The following ENTPD1 variants were observed in gnomAD, a reference collection of about 807,000 sequenced individuals.
The protein encoded by ENTPD1 is ATP diphosphohydrolase.
In ENTPD1, 33 loss-of-function variants were observed where a neutral mutation model predicts 57.0. The ratio of observed to expected loss-of-function variants is 0.58; its 90% CI spans 0.44 to 0.77. The LOEUF (loss-of-function observed/expected upper bound fraction) is 0.77. ENTPD1 is among the 30% of genes least tolerant of loss of function. The pLI, the probability that ENTPD1 is intolerant of heterozygous loss-of-function variation, is 0.00. For synonymous variants in ENTPD1, 202 were observed against 218.8 expected, an observed-to-expected ratio of 0.92 and a Z score of 0.68; for missense variants, 501 against 603.4, an observed-to-expected ratio of 0.83 and a Z score of 1.78.
chr10:95,869,274 G>C lies in ENTPD1; in HGVS notation c.*2891G>C. The C allele has an allele frequency of 1.1e-6, 1 of 932,124 alleles. No homozygotes were observed. Among genetic ancestry groups the C allele is most frequent in the Non-Finnish European group, 1.2e-6 (1 of 803,490 alleles). 57.7% of individuals were successfully genotyped at this position (932,124 alleles called of 1,614,324 possible). A position where few individuals can be genotyped will look rare whatever the true frequency, so the allele number is the denominator to read the frequency against. The stretch of plus-strand genomic sequence containing the variant: ...TTTTTTTTTTTTTTTTTTTGAGAGA[G>C]AGTCTCACTCCATTGCCCAGGCTGG... On this transcript the variant is annotated 3_prime_UTR_variant, in exon 10 of 10. Coordinates refer to ENST00000371205, the MANE Select transcript of ENTPD1 (RefSeq NM_001776.6).
chr10:95,781,057 A>G (rs2098155626), intron 1 of ENTPD1, among the ~76,000 whole-genome samples: 1 of 152,232 alleles, frequency 6.6e-6, no homozygotes, highest in Non-Finnish European at 1.5e-5. Flanking sequence ...CATATACACA[A>G]TGGACTGCTA....
At chr10:95,759,782 A>G (rs1218138243) in intron 1 of ENTPD1, among the ~76,000 whole-genome samples, 1 of 152,252 alleles carries the variant, frequency 6.6e-6, no homozygotes, top group East Asian at 1.9e-4. Flanking sequence ...ATCATTTATT[A>G]TGTGCCAAAC....
At chr10:95,804,868 A>T (rs2098265671) in intron 1 of ENTPD1, among the ~76,000 whole-genome samples, 2 of 152,166 alleles carry the variant, frequency 1.3e-5, no homozygotes, top group Admixed American at 1.3e-4. Flanking sequence ...TACCTAGTTT[A>T]TTGAGAGTTT....
Position 95,823,277 on chromosome 10 carries a change from C to T in ENTPD1, c.57C>T (p.Ala19=). ...VKTFCSKNIL[A]ILGFSSIIAV... ...CATTTTGCTCCAAGAATATCCTAGCCATCCTTGGCTTCTCCTCTATCATAG... is the reference window on the plus strand; with the variant it reads ...CATTTTGCTCCAAGAATATCCTAGCTATCCTTGGCTTCTCCTCTATCATAG... Residue 19 remains alanine (A), a synonymous_variant, in exon 2 of 10, where the codon GCC becomes GCT. Coordinates refer to ENST00000371205, the MANE Select transcript of ENTPD1 (RefSeq NM_001776.6). 1 of 1,614,174 alleles carries T rather than the reference C, an allele frequency of 6.2e-7. No homozygotes were observed. Among genetic ancestry groups the T allele is most frequent in the East Asian group, 2.2e-5 (1 of 44,880 alleles).
At chr10:95,783,489 T>C (rs1187998149) in intron 1 of ENTPD1, among the ~76,000 whole-genome samples, 1 of 152,218 alleles carries the variant, frequency 6.6e-6, no homozygotes, top group East Asian at 1.9e-4. Context: ...TTTGCTACTC[T>C]CTTTCTAAAA....
At chr10:95,845,759 A>T (rs994878484) in intron 6 of ENTPD1, 163 bp downstream of exon 6, 10 of 1,179,506 alleles carry the variant, frequency 8.5e-6, no homozygotes, top group Non-Finnish European at 1.2e-5. Context: ...TGACCCCTAT[A>T]AATTGTTTCA....
chr10:95,866,192 G>T lies in ENTPD1; in HGVS notation c.1342G>T (p.Ala448Ser). 1 of 1,613,824 alleles carries T rather than the reference G, an allele frequency of 6.2e-7. No homozygotes were observed. Among genetic ancestry groups the T allele is most frequent in the African/African-American group, 1.3e-5 (1 of 75,032 alleles). The change falls in exon 10 of 10, where the codon GCC becomes TCC. Residue 448 changes from alanine to serine, a missense_variant. Coordinates refer to ENST00000371205, the MANE Select transcript of ENTPD1 (RefSeq NM_001776.6). Reference sequence around the variant, plus strand: ...CTGTTTGCAGATCCAGGGCAGCGACGCCGGCTGGACTTTGGGCTACATGCT... The same window carrying T: ...CTGTTTGCAGATCCAGGGCAGCGACTCCGGCTGGACTTTGGGCTACATGCT... ...HFIGKIQGSD[A>S]GWTLGYMLNL...
At chr10:95,753,264 C>T (rs1041662167), upstream of ENTPD1, 1 of 152,114 alleles carries the variant, frequency 6.6e-6, no homozygotes, top group African/African-American at 2.4e-5. Flanking sequence ...AAGATACACA[C>T]AAACTCCCAT....
At chr10:95,716,285 A>G (rs926783297) in intron 1 of ENTPD1, among the ~76,000 whole-genome samples, 2 of 152,200 alleles carry the variant, frequency 1.3e-5, no homozygotes, top group Non-Finnish European at 2.9e-5. Flanking sequence ...TTTACCTGTG[A>G]TAAGATATGG....
upstream of ENTPD1, among the ~76,000 whole-genome samples, chr10:95,707,092 G>A (rs1398633438): frequency 1.3e-5 from 2 of 152,138 alleles, no homozygotes; most frequent in Admixed American, 6.5e-5. Flanking sequence ...GGGAGCTCCC[G>A]CCCTGCCAAC....
At chr10:95,750,377 T>A (rs2098010427) in intron 1 of ENTPD1, among the ~76,000 whole-genome samples, 1 of 152,154 alleles carries the variant, frequency 6.6e-6, no homozygotes, top group Non-Finnish European at 1.5e-5. Context: ...AATGACTTGG[T>A]GAAAATGAGT....
chr10:95,705,427 C>T, the ENTPD1 span, among the ~76,000 whole-genome samples: 1 of 152,150 alleles, frequency 6.6e-6, no homozygotes, highest in African/African-American at 2.4e-5. Flanking sequence ...TTGTAGTATA[C>T]TCATACAATG....
intron 1 of ENTPD1, among the ~76,000 whole-genome samples, chr10:95,798,437 A>T (rs2098235500): frequency 6.6e-6 from 1 of 152,176 alleles, no homozygotes; most frequent in African/African-American, 2.4e-5. Flanking sequence ...AGGGGAGAGA[A>T]GTGGAATAAA....
At chr10:95,757,990 G>A (rs929868320) in intron 1 of ENTPD1, among the ~76,000 whole-genome samples, 21 of 97,896 alleles carry the variant, frequency 2.1e-4, no homozygotes, top group South Asian at 3.6e-4. Context: ...GGGCGAGAGT[G>A]AGACACTGTC....
intron 1 of ENTPD1, among the ~76,000 whole-genome samples, chr10:95,742,848 T>A (rs1376065157): frequency 6.6e-6 from 1 of 152,234 alleles, no homozygotes; most frequent in African/African-American, 2.4e-5. Context: ...ACATATTTTT[T>A]AAAATAAGCT....
chr10:95,790,612 TGTTTC>T (rs1462414367), intron 1 of ENTPD1, among the ~76,000 whole-genome samples: 2 of 152,240 alleles, frequency 1.3e-5, no homozygotes, highest in Non-Finnish European at 2.9e-5. Flanking sequence ...GAGTTTTTTT[TGTTTC>T]ATCTATCACT....
chr10:95,856,392 G>A (rs1186565824), intron 7 of ENTPD1, among the ~76,000 whole-genome samples: 2 of 152,136 alleles, frequency 1.3e-5, no homozygotes, highest in East Asian at 1.9e-4. Flanking sequence ...TGCACTGCTG[G>A]TGGGAATGTA....
At chr10:95,720,976 C>G (rs983334985) in intron 1 of ENTPD1, among the ~76,000 whole-genome samples, 4 of 152,076 alleles carry the variant, frequency 2.6e-5, no homozygotes, top group Non-Finnish European at 4.4e-5. Flanking sequence ...TATAAAAAAC[C>G]GAGGTTGCCA....
chr10:95,774,101 T>TTAATGTGTC (rs879595877), intron 1 of ENTPD1, among the ~76,000 whole-genome samples: 16 of 152,284 alleles, frequency 1.1e-4, no homozygotes, highest in Non-Finnish European at 2.4e-4. Context: ...TGAGCATTTT[T>TTAATGTGTC]TAATGTGTCT....
Sources: gnomAD v4.1 joint callset for allele counts (sites outside exome capture counted in the v4.1 genomes callset) on GRCh38, gnomAD v4.1.1 for gene constraint, MANE v1.5 for transcripts, NCBI Gene and HGNC (gene_info 2026-07-23, HGNC 2026-07-21) for gene names.